LCT: variants seen among roughly 807,000 people sequenced by gnomAD.
The protein encoded by LCT is lactase/phlorizin hydrolase.
In LCT, 90 loss-of-function variants were observed where a neutral mutation model predicts 173.0. The observed-to-expected ratio is 0.52, with a 90% CI of 0.44 to 0.62. The LOEUF is 0.62. LCT is among the 20% of genes least tolerant of loss of function. LCT has a pLI of 0.00. For missense variants in LCT, 1,864 were observed against 2,431.4 expected (o/e 0.77, Z 4.91); for synonymous variants, 853 against 957.6 (o/e 0.89, Z 2.02).
Position 135,812,794 on chromosome 2 carries a change from A to G in LCT, c.1870T>C (p.Leu624=), listed in dbSNP as rs2077746347. The G allele has an allele frequency of 6.2e-7, 1 of 1,614,162 alleles. No homozygotes were observed. Among genetic ancestry groups the G allele is most frequent in the Non-Finnish European group, 8.5e-7 (1 of 1,180,036 alleles). ...PEDLRASERF[L]HFMLGWFAHP... is the part of the protein sequence containing the mutation. Reference sequence around the variant, plus strand: ...GCAAACCAGCCCAGCATGAAGTGCAAGAAGCGCTCAGAGGCTCTCAGGTCC... The same window carrying G: ...GCAAACCAGCCCAGCATGAAGTGCAGGAAGCGCTCAGAGGCTCTCAGGTCC... The change falls in exon 7 of 17, where the codon TTG becomes CTG. Residue 624 remains leucine, a synonymous_variant. Transcript: ENST00000264162.
At position 135,794,677 on chromosome 2, in the gene LCT, TTGA is replaced by T; in HGVS notation, c.5072_5074del (p.Leu1691_Asn1692delinsHis). 1 of 1,614,152 alleles carries T rather than the reference TTGA, an allele frequency of 6.2e-7. No individual in the cohort carries two copies. Among genetic ancestry groups the T allele is most frequent in the Non-Finnish European group, 8.5e-7 (1 of 1,180,000 alleles). On this transcript the variant is annotated inframe_deletion, in exon 14 of 17. Coordinates refer to ENST00000264162, the MANE Select transcript of LCT (RefSeq NM_002299.4). The stretch of plus-strand genomic sequence containing the variant: ...AAAAGAAGAGATGGCAGTGGCATAG[TTGA>T]GGTTGTAGGCGAGGACAGTGGTGTA...
chr2:135,828,594 G>A (rs897793079), intron 3 of LCT, among the ~76,000 whole-genome samples: 3 of 152,356 alleles, frequency 2.0e-5, no homozygotes, highest in Admixed American at 1.3e-4. Context: ...CTCGGAAGGT[G>A]CAGGAGAAAA....
chr2:135,833,146 G>A lies in LCT; in HGVS notation c.685C>T (p.Leu229Phe), dbSNP rs1335851918. Reference sequence around the variant, plus strand: ...GCAGATATGGGTGGTTCTAGCAGGAGCTCCGGGATATCTTCAGCTCGCAGG... The same window carrying A: ...GCAGATATGGGTGGTTCTAGCAGGAACTCCGGGATATCTTCAGCTCGCAGG... ...VVLRAEDIPELLLEPPISALA... is the reference protein window; with the variant it reads ...VVLRAEDIPEFLLEPPISALA... The change falls in exon 2 of 17, where the codon CTC (leucine) becomes TTC (phenylalanine). Residue 229 changes from leucine (L) to phenylalanine (F), a missense_variant. By Grantham distance (22) the Leu-to-Phe change is conservative. This residue lies in a region of LCT where 412 missense variants were observed against 462.0 expected (regional missense o/e 0.89). Coordinates refer to ENST00000264162, the MANE Select transcript of LCT (RefSeq NM_002299.4). The A allele has an allele frequency of 5.0e-6, 8 of 1,613,920 alleles. No homozygotes were observed. The highest frequency in any genetic ancestry group is 6.8e-6 in the Non-Finnish European group (8 of 1,179,992).
intron 6 of LCT, among the ~76,000 whole-genome samples, chr2:135,816,163 G>C (rs1420026429): frequency 6.6e-6 from 1 of 152,218 alleles, no homozygotes; most frequent in Non-Finnish European, 1.5e-5. Context: ...TTAAAATTTT[G>C]TGCCAAGTGT....
At chr2:135,822,359 A>G in intron 4 of LCT, 1 of 456,000 alleles carries the variant, frequency 2.2e-6, no homozygotes, top group Non-Finnish European at 4.0e-6. Context: ...TGCTGGTCCC[A>G]CCCCAAGAGT....
At chr2:135,824,124 G>T in intron 3 of LCT, 121 bp from the exon 4 acceptor site, 1 of 724,706 alleles carries the variant, frequency 1.4e-6, no homozygotes, top group Non-Finnish European at 2.5e-6. Flanking sequence ...TGACCTCTAA[G>T]TATCTCAGTT....
chr2:135,823,946 A>AG lies in LCT; in HGVS notation c.861dup (p.Ser288LeufsTer15), dbSNP rs1312225030. On this transcript the variant is annotated frameshift_variant, in exon 4 of 17. Coordinates refer to ENST00000264162, the MANE Select transcript of LCT (RefSeq NM_002299.4). LOFTEE classifies it high-confidence loss of function. Reference sequence around the variant, plus strand: ...AGACTGGCTGGGTTCTTCATGGTGGAGGGGCAGTCTGGGAGTTTTAGGTTG... The same window carrying AG: ...AGACTGGCTGGGTTCTTCATGGTGGAGGGGGCAGTCTGGGAGTTTTAGGTTG... 6.2e-7 allele frequency: 1 copy of AG among 1,613,876 alleles called. No homozygotes were observed. The highest frequency in any genetic ancestry group is 8.5e-7 in the Non-Finnish European group (1 of 1,179,896).
At chr2:135,805,681 C>T (rs1410106177) in intron 9 of LCT, among the ~76,000 whole-genome samples, 1 of 152,160 alleles carries the variant, frequency 6.6e-6, no homozygotes, top group Non-Finnish European at 1.5e-5. Context: ...AGGGACTGGT[C>T]ATAGTCATGG....
Position 135,833,146 on chromosome 2 carries a change from G to C in LCT, c.685C>G (p.Leu229Val), listed in dbSNP as rs1335851918. The change falls in exon 2 of 17, where the codon CTC becomes GTC. Residue 229 changes from leucine to valine, a missense_variant. Physicochemically the swap from Leu to Val is conservative, Grantham distance 32 (BLOSUM62 1). Transcript: ENST00000264162. ...GCAGATATGGGTGGTTCTAGCAGGA[G>C]CTCCGGGATATCTTCAGCTCGCAGG... ...VVLRAEDIPE[L>V]LLEPPISALA... The C allele has an allele frequency of 7.4e-6, 12 of 1,613,920 alleles. No individual in the cohort carries two copies. The highest frequency in any genetic ancestry group is 1.0e-5 in the Non-Finnish European group (12 of 1,179,992).
At chr2:135,805,703 G>C (rs775046563) in intron 9 of LCT, among the ~76,000 whole-genome samples, 6 of 152,198 alleles carry the variant, frequency 3.9e-5, no homozygotes, top group Non-Finnish European at 8.8e-5. Flanking sequence ...CTGTAGAACA[G>C]TGTTTTGGTC....
At chr2:135,828,307 G>A (rs1475917266) in intron 3 of LCT, among the ~76,000 whole-genome samples, 3 of 152,214 alleles carry the variant, frequency 2.0e-5, no homozygotes, top group Admixed American at 1.3e-4. Context: ...ACAGGCATGA[G>A]CCACTGTGCC....
chr2:135,817,478 C>T lies in LCT; in HGVS notation c.1570G>A (p.Ala524Thr), dbSNP rs145926114. 8.7e-5 allele frequency: 141 copies of T among 1,614,078 alleles called. 1 individual carries two copies. The Middle Eastern group carries it at 4.1e-3, about 47-fold the overall frequency. ...SVVDAFLDYA[A>T]FCFSTFGDRV... Reference sequence around the variant, plus strand: ...TCCCCAAATGTGGAGAAGCAGAAGGCCGCATAGTCCAGGAAGGCATCCACC... The same window carrying T: ...TCCCCAAATGTGGAGAAGCAGAAGGTCGCATAGTCCAGGAAGGCATCCACC... Residue 524 changes from alanine (A) to threonine (T), a missense_variant, in exon 6 of 17, where the codon GCC (alanine) becomes ACC (threonine). Ala to Thr is a moderately conservative substitution (Grantham distance 58). Around this residue, in one of 4 missense-constraint regions of LCT, gnomAD observed 183 missense variants for 293.1 expected, o/e 0.62. Transcript: ENST00000264162.
chr2:135,824,039 C>T, intron 3 of LCT, 36 bp from the exon 4 acceptor site: 1 of 1,367,020 alleles, frequency 7.3e-7, no homozygotes, highest in Non-Finnish European at 1.0e-6. Flanking sequence ...GAACTGAAGC[C>T]TCCTGGAAAG....
chr2:135,837,140 A>G lies in LCT; in HGVS notation c.30T>C (p.Ile10=), dbSNP rs150024239. ...CCCAGCATGAAAAACTTAGCAGGGCAATAAAGACTACATGCCAAGACAGCT... is the reference window on the plus strand; with the variant it reads ...CCCAGCATGAAAAACTTAGCAGGGCGATAAAGACTACATGCCAAGACAGCT... MELSWHVVF[I]ALLSFSCWGS... Residue 10 remains isoleucine, a synonymous_variant, in exon 1 of 17, where the codon ATT becomes ATC. Coordinates refer to ENST00000264162, the MANE Select transcript of LCT (RefSeq NM_002299.4). 3,818 of 1,613,858 alleles carry G rather than the reference A, an allele frequency of 2.4e-3. 8 individuals are homozygous for G. Among genetic ancestry groups the G allele is most frequent in the Non-Finnish European group, 3.2e-3 (3,723 of 1,180,002 alleles).
At position 135,808,707 on chromosome 2, in the gene LCT, C is replaced by T; in HGVS notation, c.3640G>A (p.Val1214Met). 1.9e-6 allele frequency: 3 copies of T among 1,614,178 alleles called. No homozygotes were observed. Among genetic ancestry groups the T allele is most frequent in the Non-Finnish European group, 1.7e-6 (2 of 1,180,022 alleles). The change falls in exon 8 of 17, where the codon GTG becomes ATG. Residue 1214 changes from valine (V) to methionine (M), a missense_variant. Around this residue, in one of 4 missense-constraint regions of LCT, gnomAD observed 755 missense variants for 926.3 expected, o/e 0.82. Coordinates refer to ENST00000264162, the MANE Select transcript of LCT (RefSeq NM_002299.4). ...FCLNTYYSRI[V>M]QHKTPRLNPP... ...TTTAGCCTGGGTGTTTTGTGCTGCA[C>T]GATTCTGGAGTAGTACGTGTTGAGG...
At chr2:135,823,728 A>G (rs2077857209) in intron 4 of LCT, among the ~76,000 whole-genome samples, 173 bp downstream of exon 4, 1 of 152,178 alleles carries the variant, frequency 6.6e-6, no homozygotes. Flanking sequence ...GGATGGTTGC[A>G]AGGGACCATC....
chr2:135,795,820 G>C (rs185371323), intron 13 of LCT, among the ~76,000 whole-genome samples: 167 of 151,892 alleles, frequency 1.1e-3, no homozygotes, highest in African/African-American at 3.5e-3. Flanking sequence ...GAGTGCAGTG[G>C]TGCAATCATA....
At position 135,817,969 on chromosome 2, in the gene LCT, T is replaced by C. The variant is rs756848938; in HGVS notation, c.1079A>G (p.Gln360Arg). Residue 360 changes from glutamine (Q) to arginine (R), a missense_variant, in exon 6 of 17, where the codon CAG (glutamine) becomes CGG (arginine). Coordinates refer to ENST00000264162, the MANE Select transcript of LCT (RefSeq NM_002299.4). ...ATTGGCAAATGCTTCCCAGATTCTC[T>C]GATAGGCAGAGGCAGGAGAGGAGTC... is the stretch of plus-strand genomic sequence containing the variant. ...TTDSSPASAYQRIWEAFANQS... is the reference protein window; with the variant it reads ...TTDSSPASAYRRIWEAFANQS... 6.2e-7 allele frequency: 1 copy of C among 1,613,750 alleles called. No individual in the cohort carries two copies. Among genetic ancestry groups the C allele is most frequent in the Non-Finnish European group, 8.5e-7 (1 of 1,179,972 alleles).
chr2:135,797,363 G>A (rs1398573140), intron 13 of LCT, among the ~76,000 whole-genome samples: 3 of 152,126 alleles, frequency 2.0e-5, no homozygotes, highest in African/African-American at 7.2e-5. Context: ...CGGTGGGCAT[G>A]TTCCCGTGGG....
Sources: gnomAD v4.1 joint callset for allele counts (sites outside exome capture counted in the v4.1 genomes callset) on GRCh38, gnomAD v4.1.1 for gene constraint, gnomAD v4.1.1 regional missense constraint, MANE v1.5 for transcripts, NCBI Gene and HGNC (gene_info 2026-07-23, HGNC 2026-07-21) for gene names.